The following FYN variants were observed in gnomAD, a reference collection of about 807,000 sequenced individuals.
FYN encodes the protein tyrosine-protein kinase Fyn.
A neutral mutation model predicts 70.2 loss-of-function variants in FYN; 10 were observed. The ratio of observed to expected loss-of-function variants is 0.14; its 90% CI spans 0.09 to 0.24. The LOEUF is 0.24. Ranked by LOEUF, FYN falls within the 10% of genes least tolerant of loss-of-function variation. The probability of loss-of-function intolerance (pLI) is 1.00; values close to 1 mark genes in which losing one functional copy is unlikely to be tolerated. For synonymous variants in FYN, 236 were observed against 248.6 expected (o/e 0.95, Z 0.48); for missense variants, 319 against 673.1 (o/e 0.47, Z 5.82).
intron 2 of FYN, among the ~76,000 whole-genome samples, chr6:111,835,134 T>G (rs1344768226): frequency 6.6e-6 from 1 of 152,230 alleles, no homozygotes; most frequent in Non-Finnish European, 1.5e-5. Flanking sequence ...AATTGGTAAG[T>G]TAATTCAAAG....
intron 10 of FYN, among the ~76,000 whole-genome samples, chr6:111,695,976 C>T (rs945888457): frequency 1.3e-5 from 2 of 152,182 alleles, no homozygotes; most frequent in African/African-American, 4.8e-5. Context: ...ACTATCATAA[C>T]CCTCCGTACC....
intron 12 of FYN, among the ~76,000 whole-genome samples, chr6:111,690,045 A>G (rs897336487): frequency 3.3e-5 from 5 of 152,314 alleles, no homozygotes; most frequent in Middle Eastern, 3.4e-3. Flanking sequence ...TGAAGAAAAA[A>G]CTAGAGTCTG....
chr6:111,815,554 T>G (rs1355832588), intron 2 of FYN, among the ~76,000 whole-genome samples: 1 of 152,148 alleles, frequency 6.6e-6, no homozygotes, highest in Non-Finnish European at 1.5e-5. Flanking sequence ...TTGCTGAGAT[T>G]CAAAATGCTG....
intron 3 of FYN, among the ~76,000 whole-genome samples, chr6:111,757,196 A>C (rs1388078509): frequency 6.6e-6 from 1 of 152,218 alleles, no homozygotes; most frequent in Non-Finnish European, 1.5e-5. Flanking sequence ...TCTATCCACG[A>C]GCAACAGTAA....
At chr6:111,814,077 T>C (rs1030672297) in intron 2 of FYN, 1 of 152,192 alleles carries the variant, frequency 6.6e-6, no homozygotes, top group African/African-American at 2.4e-5. Flanking sequence ...AGCGCCAGAG[T>C]GCCTCACTGC....
intron 2 of FYN, among the ~76,000 whole-genome samples, chr6:111,837,018 G>T (rs1773208186): frequency 6.6e-6 from 1 of 152,084 alleles, no homozygotes; most frequent in South Asian, 2.1e-4. Flanking sequence ...TATGATAACT[G>T]TCAAAAGTTT....
rs1385553601 is a variant in FYN at position 111,849,999 on chromosome 6, C to T, written c.-122-3370G>A. On this transcript the variant is annotated intron_variant, in intron 1 of 13. Coordinates refer to ENST00000354650, the MANE Select transcript of FYN (RefSeq NM_002037.5). ...ACCTGCAAGATACAGGGGCGTGTGC[C>T]ATCTCTGGTGATGGCTGGAGGAAGG... Among the ~76,000 whole-genome samples, 3 of 152,288 alleles carry T rather than the reference C, an allele frequency of 2.0e-5. No individual in the cohort carries two copies. In the South Asian group the frequency reaches 6.2e-4, roughly 32 times the overall value.
chr6:111,742,629 G>A (rs1258266033), intron 3 of FYN, among the ~76,000 whole-genome samples: 1 of 152,174 alleles, frequency 6.6e-6, no homozygotes, highest in African/African-American at 2.4e-5. Flanking sequence ...CACATGTTCT[G>A]TGCAAAAAGG....
At chr6:111,808,733 C>T (rs917262926) in intron 2 of FYN, among the ~76,000 whole-genome samples, 1 of 152,184 alleles carries the variant, frequency 6.6e-6, no homozygotes, top group Non-Finnish European at 1.5e-5. Context: ...CCCTCACCAC[C>T]ATCATCACAC....
chr6:111,704,267 A>G (rs183236125), intron 6 of FYN, among the ~76,000 whole-genome samples, 165 bp from the exon 7 acceptor site: 316 of 151,950 alleles, frequency 2.1e-3, no homozygotes, highest in Admixed American at 3.9e-3. Context: ...TTTTCAATCT[A>G]TCCTGGATTC....
At chr6:111,742,573 G>C (rs114864209) in intron 3 of FYN, among the ~76,000 whole-genome samples, 1 of 152,076 alleles carries the variant, frequency 6.6e-6, no homozygotes, top group East Asian at 1.9e-4. Flanking sequence ...AGTGGGAGAG[G>C]GGGAATTTAT....
At chr6:111,679,561 CCCT>C (rs1322609434) in intron 12 of FYN, among the ~76,000 whole-genome samples, 1 of 152,116 alleles carries the variant, frequency 6.6e-6, no homozygotes, top group Non-Finnish European at 1.5e-5. Flanking sequence ...GCCCTCCCAG[CCCT>C]TCCCTTTTTG....
chr6:111,799,399 G>A (rs1342190454), intron 2 of FYN, among the ~76,000 whole-genome samples: 1 of 152,136 alleles, frequency 6.6e-6, no homozygotes, highest in Non-Finnish European at 1.5e-5. Flanking sequence ...AAAATACAGA[G>A]ACATTAAAAT....
intron 2 of FYN, among the ~76,000 whole-genome samples, chr6:111,786,114 G>T (rs1320153409): frequency 6.6e-6 from 1 of 151,804 alleles, no homozygotes; most frequent in Non-Finnish European, 1.5e-5. Context: ...CAACGTGCAG[G>T]TTTGTTACAT....
chr6:111,728,728 G>A (rs1454084164), intron 3 of FYN, among the ~76,000 whole-genome samples: 3 of 152,140 alleles, frequency 2.0e-5, no homozygotes, highest in African/African-American at 7.2e-5. Context: ...TATACCAGAT[G>A]TTGTTTATCT....
chr6:111,796,977 T>C (rs1382605550), intron 2 of FYN, among the ~76,000 whole-genome samples: 1 of 152,234 alleles, frequency 6.6e-6, no homozygotes, highest in Non-Finnish European at 1.5e-5. Flanking sequence ...ATATCATACT[T>C]TAAAACACCC....
At chr6:111,719,605 G>A (rs575998654) in intron 4 of FYN, 200 bp downstream of exon 4, 26 of 608,310 alleles carry the variant, frequency 4.3e-5, no homozygotes, top group African/African-American at 4.1e-4. Context: ...GGGGCACCTT[G>A]CAACCCTGTA....
At chr6:111,844,712 AC>A (rs1296382302) in intron 2 of FYN, 3 of 152,174 alleles carry the variant, frequency 2.0e-5, no homozygotes, top group African/African-American at 7.2e-5. Flanking sequence ...CGGGTCAGTC[AC>A]CCGTGTTCAC....
At chr6:111,717,876 G>A (rs1374528874) in intron 4 of FYN, among the ~76,000 whole-genome samples, 2 of 152,144 alleles carry the variant, frequency 1.3e-5, no homozygotes, top group Non-Finnish European at 2.9e-5. Flanking sequence ...TTGTCTTTCT[G>A]CCCCATCCCA....
Sources: gnomAD v4.1 joint callset for allele counts (sites outside exome capture counted in the v4.1 genomes callset) on GRCh38, gnomAD v4.1.1 for gene constraint, MANE v1.5 for transcripts, NCBI Gene and HGNC (gene_info 2026-07-23, HGNC 2026-07-21) for gene names.